CCNC: variants seen among roughly 807,000 people sequenced by gnomAD.
CCNC encodes cyclin-C.
In CCNC, 19 loss-of-function variants were observed where a neutral mutation model predicts 50.0. The observed-to-expected ratio is 0.38, with a 90% CI of 0.27 to 0.56. The LOEUF (loss-of-function observed/expected upper bound fraction) is 0.56. Among genes scored for constraint, CCNC ranks in the 20% least tolerant of loss-of-function variants. The probability of loss-of-function intolerance (pLI) is 0.72; values close to 1 mark genes in which losing one functional copy is unlikely to be tolerated. For missense variants in CCNC, 200 were observed against 327.1 expected (o/e 0.61, Z 3.00); for synonymous variants, 93 against 103.7 (o/e 0.90, Z 0.63).
intron 5 of CCNC, among the ~76,000 whole-genome samples, chr6:99,556,176 G>A (rs1802502234): frequency 6.6e-6 from 1 of 152,154 alleles, no homozygotes; most frequent in South Asian, 2.1e-4. Flanking sequence ...CTGTATTTCA[G>A]AAGGTTTTTG....
Position 99,542,871 on chromosome 6 carries a change from T to C in CCNC, c.*684A>G, listed in dbSNP as rs1403085689. On this transcript the variant is annotated 3_prime_UTR_variant, in exon 12 of 12. Coordinates refer to ENST00000520429, the MANE Select transcript of CCNC (RefSeq NM_005190.4). ...AGCTGTGAATTAATTATAAATAACT[T>C]CATGTAGTTTGCCCAGCATTTCAAA... 2.6e-5 allele frequency: 4 copies of C among 152,608 alleles called. No individual in the cohort carries two copies. The highest frequency in any genetic ancestry group is 4.4e-5 in the Non-Finnish European group (3 of 67,994). 9.5% of individuals were successfully genotyped at this position (152,608 alleles called of 1,614,324 possible). A position where few individuals can be genotyped will look rare whatever the true frequency, so the allele number is the denominator to read the frequency against.
intron 4 of CCNC, 118 bp from the exon 5 acceptor site, chr6:99,558,666 G>A (rs1802647790): frequency 2.3e-6 from 2 of 859,222 alleles, no homozygotes; most frequent in Non-Finnish European, 3.5e-6. Flanking sequence ...ACTACTTGAG[G>A]TGTGAAGTAC....
upstream of CCNC, chr6:99,568,677 T>G: frequency 6.7e-7 from 1 of 1,503,148 alleles, no homozygotes; most frequent in East Asian, 2.5e-5. Context: ...AGGAAGAGGA[T>G]GGCCCCCTAG....
At chr6:99,549,785 C>T (rs978041702) in intron 8 of CCNC, 3 of 414,466 alleles carry the variant, frequency 7.2e-6, no homozygotes, top group South Asian at 8.8e-5. Flanking sequence ...AATAAAATTA[C>T]AGCTAAATAT....
At chr6:99,567,594 C>G (rs971464238) in intron 1 of CCNC, among the ~76,000 whole-genome samples, 5 of 152,052 alleles carry the variant, frequency 3.3e-5, no homozygotes, top group African/African-American at 1.2e-4. Flanking sequence ...AGGAACAGAT[C>G]CTATTCACAG....
chr6:99,563,075 C>A, intron 1 of CCNC, 127 bp from the exon 2 acceptor site: 1 of 621,814 alleles, frequency 1.6e-6, no homozygotes, highest in South Asian at 1.9e-5. Context: ...TTATTTCTCA[C>A]ATTTCTTGAA....
At chr6:99,546,318 C>A (rs1802067835) in intron 10 of CCNC, 77 bp downstream of exon 10, 8 of 948,824 alleles carry the variant, frequency 8.4e-6, no homozygotes, top group Non-Finnish European at 1.4e-5. Flanking sequence ...GTGGACATCA[C>A]AAGATTTTAG....
intron 11 of CCNC, 41 bp from the exon 12 acceptor site, chr6:99,543,650 A>G: frequency 6.2e-7 from 1 of 1,610,282 alleles, no homozygotes; most frequent in African/African-American, 1.3e-5. Flanking sequence ...ACCAATTAAA[A>G]GATCCATTTT....
In CCNC at chr6:99,561,600, G is replaced by T; in HGVS notation, c.221C>A (p.Ala74Asp). The T allele has an allele frequency of 6.3e-7, 1 of 1,594,880 alleles. No homozygotes were observed. Among genetic ancestry groups the T allele is most frequent in the Non-Finnish European group, 8.6e-7 (1 of 1,164,014 alleles). Residue 74 changes from alanine to aspartate, a missense_variant, in exon 3 of 12, where the codon GCC becomes GAC. Ala to Asp is a moderately radical substitution (Grantham distance 126). Transcript: ENST00000520429. ...TATVYFKRFY[A>D]RYSLKSIDPV... ...AATAAAATAAAAACAATCCTACCTG[G>T]CATAGAATCTCTTGAAATATACCGT... is the stretch of plus-strand genomic sequence containing the variant.
intron 8 of CCNC, 54 bp downstream of exon 8, chr6:99,550,164 C>T (rs1802231317): frequency 4.1e-6 from 5 of 1,230,334 alleles, no homozygotes; most frequent in Admixed American, 4.0e-5. Context: ...ATTTAATTGT[C>T]AACCTTCCTA....
At chr6:99,546,252 C>T in intron 10 of CCNC, 143 bp downstream of exon 10, 1 of 602,164 alleles carries the variant, frequency 1.7e-6, no homozygotes, top group South Asian at 2.1e-5. Flanking sequence ...AGACACAAAC[C>T]ACCATGCCCA....
Position 99,560,947 on chromosome 6 carries a change from C to A in CCNC, c.294+420G>T, listed in dbSNP as rs186162232. On this transcript the variant is annotated intron_variant, in intron 4 of 11. Coordinates refer to ENST00000520429, the MANE Select transcript of CCNC (RefSeq NM_005190.4). ...TATGGTAGGCAAGCTGTGGTACTTA[C>A]TGAATACTACTCAGTGCCAAACAAT... is the stretch of plus-strand genomic sequence containing the variant. Among the ~76,000 whole-genome samples the A allele has an allele frequency of 1.6e-3, 238 of 152,296 alleles. 1 individual carries two copies. Among genetic ancestry groups the A allele is most frequent in the African/African-American group, 5.7e-3 (235 of 41,562 alleles).
chr6:99,557,364 A>G (rs1562492080), intron 5 of CCNC: 1 of 152,042 alleles, frequency 6.6e-6, no homozygotes, highest in African/African-American at 2.4e-5. Flanking sequence ...TTGTCATTGA[A>G]GATGATGATG....
intron 9 of CCNC, among the ~76,000 whole-genome samples, chr6:99,547,277 A>G (rs1247616615): frequency 6.6e-6 from 1 of 152,158 alleles, no homozygotes; most frequent in Non-Finnish European, 1.5e-5. Flanking sequence ...AAGCAAAGCT[A>G]TGAGTAGGGC....
chr6:99,555,231 C>A (rs1174458590), intron 5 of CCNC, among the ~76,000 whole-genome samples: 1 of 152,134 alleles, frequency 6.6e-6, no homozygotes, highest in Admixed American at 6.6e-5. Flanking sequence ...CAACACCTTT[C>A]CCCCAATTCC....
intron 1 of CCNC, chr6:99,568,246 T>C: frequency 1.8e-6 from 1 of 558,980 alleles, no homozygotes; most frequent in South Asian, 2.1e-5. Context: ...CTCCGAAACG[T>C]TCCTTCCCGG....
chr6:99,549,206 G>A, intron 9 of CCNC: 2 of 425,940 alleles, frequency 4.7e-6, no homozygotes, highest in South Asian at 4.9e-5. Context: ...ACTAATATTA[G>A]CTGGCTTAAT....
chr6:99,568,645 G>A lies in CCNC; in HGVS notation c.-118C>T, dbSNP rs1405417263. The A allele has an allele frequency of 5.9e-6, 9 of 1,533,978 alleles. No individual in the cohort carries two copies. The highest frequency in any genetic ancestry group is 7.9e-6 in the Non-Finnish European group (9 of 1,141,920). On this transcript the variant is annotated 5_prime_UTR_variant, in exon 1 of 12. Transcript: ENST00000520429. Reference sequence around the variant, plus strand: ...GATCAAATCAGCTCGGCTCGACTCCGCTCCGCGGCGGCGACGGCGAAAGGA... The same window carrying A: ...GATCAAATCAGCTCGGCTCGACTCCACTCCGCGGCGGCGACGGCGAAAGGA...
At chr6:99,549,194 CAACTAATAT>C in intron 9 of CCNC, 1 of 400,148 alleles carries the variant, frequency 2.5e-6, no homozygotes, top group South Asian at 2.4e-5. Context: ...TTACATGCTA[CAACTAATAT>C]TAGCTGGCTT....
Sources: gnomAD v4.1 joint callset for allele counts (sites outside exome capture counted in the v4.1 genomes callset) on GRCh38, gnomAD v4.1.1 for gene constraint, MANE v1.5 for transcripts, NCBI Gene and HGNC (gene_info 2026-07-23, HGNC 2026-07-21) for gene names.